LRRC8D: variants seen among roughly 807,000 people sequenced by gnomAD.
The protein encoded by LRRC8D is volume-regulated anion channel subunit LRRC8D.
In LRRC8D, 20 loss-of-function variants were observed where a neutral mutation model predicts 55.8. That is an observed-to-expected ratio of 0.36 (90% CI 0.25 to 0.52). The LOEUF is 0.52. Ranked by LOEUF, LRRC8D falls within the 20% of genes least tolerant of loss-of-function variation. LRRC8D has a pLI of 0.93. For synonymous variants in LRRC8D, 352 were observed against 377.0 expected (o/e 0.93, Z 0.77); for missense variants, 651 against 1,030.8 (o/e 0.63, Z 5.05).
In LRRC8D at chr1:89,841,793, T is replaced by C. The variant is rs551842051; in HGVS notation, c.-147-1845T>C. Among the ~76,000 whole-genome samples, 6 of 151,686 alleles carry C rather than the reference T, an allele frequency of 4.0e-5. No homozygotes were observed. In the South Asian group the frequency reaches 1.3e-3, roughly 32 times the overall value. ...GTATCCTCTGCCCGAGAAATTAAGGTGTGTATTATTCAGGTGGTTAAAGAA... is the reference window on the plus strand; with the variant it reads ...GTATCCTCTGCCCGAGAAATTAAGGCGTGTATTATTCAGGTGGTTAAAGAA... On this transcript the variant is annotated intron_variant, in intron 1 of 2. Transcript: ENST00000337338.
At chr1:89,886,957 G>T (rs565587739) in intron 2 of LRRC8D, among the ~76,000 whole-genome samples, 6 of 152,176 alleles carry the variant, frequency 3.9e-5, no homozygotes, top group Admixed American at 3.9e-4. Flanking sequence ...TTTTAAAAAT[G>T]TTTTAAAAAG....
intron 2 of LRRC8D, among the ~76,000 whole-genome samples, chr1:89,920,615 A>G (rs1159808355): frequency 6.6e-6 from 1 of 151,670 alleles, no homozygotes; most frequent in Non-Finnish European, 1.5e-5. Flanking sequence ...ATAGAATTAT[A>G]TCAGCTATAG....
At position 89,933,674 on chromosome 1, in the gene LRRC8D, G is replaced by A. The variant is rs1444806989; in HGVS notation, c.606G>A (p.Lys202=). Residue 202 remains lysine, a synonymous_variant, in exon 3 of 3, where the codon AAG becomes AAA. Transcript: ENST00000337338. The surrounding 1 kb of genome is among the most constrained non-coding windows in gnomAD (Gnocchi z 7.0). ...AACATTTTGTTTCAATATTAGGAAA[G>A]TGCTTTGAATCCCCTTGGACGACAA... ...KVEHFVSILG[K]CFESPWTTKA... is the part of the protein sequence containing the mutation. The A allele has an allele frequency of 2.5e-6, 4 of 1,614,120 alleles. No individual in the cohort carries two copies. Among genetic ancestry groups the A allele is most frequent in the Non-Finnish European group, 3.4e-6 (4 of 1,180,018 alleles).
At chr1:89,873,986 G>T (rs1662086890) in intron 2 of LRRC8D, among the ~76,000 whole-genome samples, 1 of 152,186 alleles carries the variant, frequency 6.6e-6, no homozygotes, top group South Asian at 2.1e-4. Context: ...ACATGTAGCA[G>T]TAAATGTTAT....
intron 2 of LRRC8D, among the ~76,000 whole-genome samples, chr1:89,862,896 G>A (rs1221143261): frequency 5.3e-5 from 8 of 152,078 alleles, no homozygotes; most frequent in Non-Finnish European, 1.2e-4. Flanking sequence ...GTTTTCTCCC[G>A]TGATTTCATG....
chr1:89,927,237 T>G (rs538228862), intron 2 of LRRC8D, among the ~76,000 whole-genome samples: 87 of 152,384 alleles, frequency 5.7e-4, no homozygotes, highest in African/African-American at 2.0e-3. Flanking sequence ...AGGCGCAGCC[T>G]CAATGTCATG....
chr1:89,935,278 G>C lies in LRRC8D; in HGVS notation c.2210G>C (p.Ser737Thr). 1 of 1,614,176 alleles carries C rather than the reference G, an allele frequency of 6.2e-7. No individual in the cohort carries two copies. The part of the protein sequence containing the change: ...SLQKLRCLDV[S>T]YNNISMIPIE... ...CAGAAACTCAGATGCTTAGATGTGA[G>C]CTACAACAACATTTCAATGATTCCA... is the stretch of plus-strand genomic sequence containing the variant. The change falls in exon 3 of 3, where the codon AGC becomes ACC. Residue 737 changes from serine to threonine, a missense_variant. This residue lies in a region of LRRC8D where 338 missense variants were observed against 479.4 expected (regional missense o/e 0.71). Coordinates refer to ENST00000337338, the MANE Select transcript of LRRC8D (RefSeq NM_001134479.2).
chr1:89,836,822 A>G (rs759405737), intron 1 of LRRC8D, among the ~76,000 whole-genome samples: 8 of 152,198 alleles, frequency 5.3e-5, no homozygotes, highest in Non-Finnish European at 1.0e-4. Context: ...AACTAAGTCA[A>G]TTGGCTCGCC....
chr1:89,857,346 C>G (rs1471830307), intron 2 of LRRC8D, among the ~76,000 whole-genome samples: 2 of 134,518 alleles, frequency 1.5e-5, no homozygotes, highest in East Asian at 4.3e-4. Context: ...CACACCATTG[C>G]ATTCCAGCCT....
At chr1:89,880,589 T>C (rs957820443) in intron 2 of LRRC8D, among the ~76,000 whole-genome samples, 6 of 152,110 alleles carry the variant, frequency 3.9e-5, no homozygotes, top group African/African-American at 1.4e-4. Flanking sequence ...TGGTGCCTTA[T>C]GTGTATATAG....
chr1:89,909,633 G>A (rs550985407), intron 2 of LRRC8D, among the ~76,000 whole-genome samples: 12 of 152,120 alleles, frequency 7.9e-5, no homozygotes, highest in East Asian at 7.7e-4. Flanking sequence ...TTGGGAGGCC[G>A]AGGCGGGCGG....
intron 2 of LRRC8D, among the ~76,000 whole-genome samples, chr1:89,931,560 A>G (rs1020238473): frequency 2.6e-5 from 4 of 152,106 alleles, no homozygotes; most frequent in Non-Finnish European, 4.4e-5. Context: ...GGAGTTCGAG[A>G]CCAGCCTGGC....
intron 2 of LRRC8D, among the ~76,000 whole-genome samples, chr1:89,931,488 T>A (rs181576056): frequency 6.6e-6 from 1 of 152,074 alleles, no homozygotes; most frequent in African/African-American, 2.4e-5. Context: ...TGGTTGGGTG[T>A]GGTGGCTCAC....
intron 2 of LRRC8D, 80 bp from the exon 3 acceptor site, chr1:89,932,987 G>A: frequency 7.9e-7 from 1 of 1,258,652 alleles, no homozygotes; most frequent in Admixed American, 2.3e-5. Context: ...ACTTTAGTTA[G>A]GAGCAGGCAT....
rs1165620747 is a variant in LRRC8D, at chr1:89,911,981, T to C, written c.-2-21086T>C. ...GATCCCCTGGATTCTGCCATTGGCC[T>C]TTTTTCTCTGTGTATGCTCTCCTTG... On this transcript the variant is annotated intron_variant, in intron 2 of 2. Transcript: ENST00000337338. This position sits in a 1 kb window ranked among gnomAD's most constrained non-coding sequence, Gnocchi z 4.0. Among the ~76,000 whole-genome samples, 1 of 152,192 alleles carries C rather than the reference T, an allele frequency of 6.6e-6. No homozygotes were observed. The highest frequency in any genetic ancestry group is 1.5e-5 in the Non-Finnish European group (1 of 68,038).
At chr1:89,860,395 GC>G (rs1353603166) in intron 2 of LRRC8D, among the ~76,000 whole-genome samples, 4 of 151,910 alleles carry the variant, frequency 2.6e-5, no homozygotes, top group Non-Finnish European at 4.4e-5. Context: ...CCAAAGACAG[GC>G]CCACCTTCAT....
intron 2 of LRRC8D, among the ~76,000 whole-genome samples, chr1:89,928,302 C>G (rs1256441872): frequency 1.3e-5 from 2 of 152,136 alleles, no homozygotes; most frequent in Non-Finnish European, 2.9e-5. Flanking sequence ...AACTCCTGAC[C>G]TCAGGTGATC....
chr1:89,855,553 C>T (rs1661532289), intron 2 of LRRC8D, among the ~76,000 whole-genome samples: 1 of 152,186 alleles, frequency 6.6e-6, no homozygotes, highest in South Asian at 2.1e-4. Context: ...TAAGCTATTA[C>T]ACAACTTAAT....
At chr1:89,901,661 G>A (rs1048351266) in intron 2 of LRRC8D, among the ~76,000 whole-genome samples, 3 of 152,156 alleles carry the variant, frequency 2.0e-5, no homozygotes, top group Non-Finnish European at 4.4e-5. Flanking sequence ...CTAAACATGT[G>A]TTTGGGGCAC....
Sources: allele counts gnomAD v4.1 joint callset (sites outside exome capture counted in the v4.1 genomes callset), GRCh38; gene constraint gnomAD v4.1.1; regional missense constraint gnomAD v4.1.1; non-coding constraint Gnocchi (gnomAD v3.1); transcripts MANE v1.5; gene names NCBI Gene and HGNC (gene_info 2026-07-23, HGNC 2026-07-21).